Variants in ARHGAP17 observed in about 807,000 individuals in gnomAD.
The protein encoded by ARHGAP17 is Rho GTPase activating protein 17.
ARHGAP17 carries 57 observed loss-of-function variants against 99.5 expected under a neutral mutation model. The ratio of observed to expected loss-of-function variants is 0.57; its 90% CI spans 0.46 to 0.71. The LOEUF (loss-of-function observed/expected upper bound fraction) is 0.71, where lower values mean the gene tolerates loss of function less well. Ranked by LOEUF, ARHGAP17 falls within the 30% of genes least tolerant of loss-of-function variation. The probability of loss-of-function intolerance (pLI) is 0.00; values close to 1 mark genes in which losing one functional copy is unlikely to be tolerated. For synonymous variants in ARHGAP17, 417 were observed against 429.6 expected (o/e 0.97, Z 0.36); for missense variants, 1,000 against 1,122.4 (o/e 0.89, Z 1.56).
chr16:24,930,980 C>A lies in ARHGAP17; in HGVS notation c.2319G>T (p.Leu773=), dbSNP rs754251618. The A allele has an allele frequency of 6.2e-7, 1 of 1,613,428 alleles. No homozygotes were observed. Among genetic ancestry groups the A allele is most frequent in the Admixed American group, 1.7e-5 (1 of 59,948 alleles). The change falls in exon 19 of 20, where the codon CTG becomes CTT. Residue 773 remains leucine (L), a synonymous_variant. Transcript: ENST00000289968. The stretch of plus-strand genomic sequence containing the variant: ...CCCCTGCCAGGGTCTGAGGAGCTGG[C>A]AGACTGGGGTTCTGTTTTCCTAGGG... ...TPPLGKQNPS[L]PAPQTLAGGN... is the part of the protein sequence containing the mutation.
chr16:24,947,688 G>T, intron 13 of ARHGAP17, 93 bp from the exon 14 acceptor site: 3 of 998,922 alleles, frequency 3.0e-6, no homozygotes, highest in Non-Finnish European at 3.1e-6. Context: ...AGTTTGCTCA[G>T]GTGCTAACTG....
At chr16:24,941,708 T>A in intron 16 of ARHGAP17, 1 of 419,700 alleles carries the variant, frequency 2.4e-6, no homozygotes, top group Non-Finnish European at 4.4e-6. Context: ...ACTTTTAACA[T>A]GTGTATGATG....
At chr16:25,006,323 G>A (rs191501323) in intron 1 of ARHGAP17, among the ~76,000 whole-genome samples, 2 of 151,556 alleles carry the variant, frequency 1.3e-5, no homozygotes, top group Non-Finnish European at 2.9e-5. Context: ...GGTGGTGTGC[G>A]CCTGTAGTCC....
At chr16:24,970,737 T>C (rs1343565495) in intron 3 of ARHGAP17, among the ~76,000 whole-genome samples, 157 bp from the exon 4 acceptor site, 2 of 152,220 alleles carry the variant, frequency 1.3e-5, no homozygotes, top group South Asian at 2.1e-4. Context: ...CAGATATTAG[T>C]TGTATGATGA....
At chr16:24,986,395 A>C (rs1372954185) in intron 1 of ARHGAP17, among the ~76,000 whole-genome samples, 1 of 152,234 alleles carries the variant, frequency 6.6e-6, no homozygotes, top group African/African-American at 2.4e-5. Context: ...AGGGGTCAGC[A>C]AACTATACCC....
intron 19 of ARHGAP17, among the ~76,000 whole-genome samples, chr16:24,923,406 C>A (rs1395488225): frequency 6.6e-6 from 1 of 152,104 alleles, no homozygotes; most frequent in East Asian, 1.9e-4. Flanking sequence ...TAACTGCACT[C>A]CAAGAAGGGC....
intron 2 of ARHGAP17, among the ~76,000 whole-genome samples, chr16:24,977,788 A>C (rs1019090921): frequency 1.1e-4 from 17 of 152,314 alleles, no homozygotes; most frequent in Non-Finnish European, 2.2e-4. Context: ...GGACCCACGC[A>C]TCATAAGCAG....
chr16:24,920,609 C>G (rs1416894677), intron 19 of ARHGAP17: 1 of 214,368 alleles, frequency 4.7e-6, no homozygotes, highest in African/African-American at 2.3e-5. Flanking sequence ...CTGATGGCCC[C>G]TGGGCTGCCC....
At chr16:24,982,056 A>ATG (rs1340696233) in intron 1 of ARHGAP17, among the ~76,000 whole-genome samples, 2 of 151,890 alleles carry the variant, frequency 1.3e-5, no homozygotes, top group Non-Finnish European at 2.9e-5. Flanking sequence ...CTATATATAT[A>ATG]TTACATTAAT....
intron 14 of ARHGAP17, among the ~76,000 whole-genome samples, chr16:24,946,826 G>A (rs989015448): frequency 1.3e-5 from 2 of 152,172 alleles, no homozygotes; most frequent in Admixed American, 6.5e-5. Flanking sequence ...GTCTGGTCAC[G>A]TTTTCACAAT....
At position 24,934,729 on chromosome 16, in the gene ARHGAP17, T is replaced by C. The variant is rs139241434; in HGVS notation, c.1894+741A>G. Among the ~76,000 whole-genome samples the C allele has an allele frequency of 3.6e-3, 543 of 152,294 alleles. 3 individuals carry two copies. Among genetic ancestry groups the C allele is most frequent in the South Asian group, 1.0e-2 (48 of 4,816 alleles). ...GCCTCAGCCTCCCAAAGTGCTGGGATTATAGGTGTGAGCCACCACGCCCAG... is the reference window on the plus strand; with the variant it reads ...GCCTCAGCCTCCCAAAGTGCTGGGACTATAGGTGTGAGCCACCACGCCCAG... On this transcript the variant is annotated intron_variant, in intron 18 of 19. Transcript: ENST00000289968.
At chr16:24,989,520 T>C (rs1309052409) in intron 1 of ARHGAP17, among the ~76,000 whole-genome samples, 4 of 151,634 alleles carry the variant, frequency 2.6e-5, no homozygotes, top group African/African-American at 9.7e-5. Context: ...ATACAGGTGA[T>C]GCCACTTATA....
At chr16:24,939,633 G>A (rs371175593) in intron 16 of ARHGAP17, 36 bp from the exon 17 acceptor site, 23 of 1,558,692 alleles carry the variant, frequency 1.5e-5, no homozygotes, top group African/African-American at 1.4e-4. Flanking sequence ...CACACCATGC[G>A]AGCAGACTAC....
intron 10 of ARHGAP17, among the ~76,000 whole-genome samples, chr16:24,954,199 G>A (rs1365453864): frequency 6.6e-6 from 1 of 152,092 alleles, no homozygotes; most frequent in Non-Finnish European, 1.5e-5. Flanking sequence ...GTATGTAAAT[G>A]ACCTCCAACC....
At chr16:24,939,302 C>T (rs1468658373) in intron 17 of ARHGAP17, 62 bp downstream of exon 17, 1 of 1,462,332 alleles carries the variant, frequency 6.8e-7, no homozygotes, top group East Asian at 2.3e-5. Flanking sequence ...GCTCAAAGGC[C>T]ACCACCTGCA....
rs760135610 is a variant in ARHGAP17 at position 24,920,230 on chromosome 16, C to T, written c.2546G>A (p.Arg849His). 79 of 1,613,880 alleles carry T rather than the reference C, an allele frequency of 4.9e-5. No individual in the cohort carries two copies. The highest frequency in any genetic ancestry group is 1.6e-4 in the Middle Eastern group (1 of 6,084). The change falls in exon 20 of 20, where the codon CGC (arginine) becomes CAC (histidine). Residue 849 changes from arginine to histidine, a missense_variant. Around this residue, in one of 2 missense-constraint regions of ARHGAP17, gnomAD observed 528 missense variants for 511.4 expected, o/e 1.03. Coordinates refer to ENST00000289968, the MANE Select transcript of ARHGAP17 (RefSeq NM_001006634.3). ...TGAGTGCATTTCAGGAAAGATGCTG[C>T]GATGCGGTTCTGAAACCCTGGAATT... is the stretch of plus-strand genomic sequence containing the variant. ...DSNSRVSEPH[R>H]SIFPEMHSDS...
chr16:24,964,947 A>C (rs1400511064), intron 6 of ARHGAP17, among the ~76,000 whole-genome samples: 1 of 152,104 alleles, frequency 6.6e-6, no homozygotes, highest in Admixed American at 6.5e-5. Flanking sequence ...ATGTCTACAA[A>C]CAACAATAAC....
intron 11 of ARHGAP17, 126 bp from the exon 12 acceptor site, chr16:24,952,496 G>T: frequency 1.6e-6 from 1 of 622,704 alleles, no homozygotes; most frequent in Non-Finnish European, 2.6e-6. Flanking sequence ...CAAATCATAA[G>T]TTGGCAAGAG....
intron 11 of ARHGAP17, among the ~76,000 whole-genome samples, chr16:24,952,619 T>C (rs1793204113): frequency 6.6e-6 from 1 of 152,140 alleles, no homozygotes; most frequent in African/African-American, 2.4e-5. Flanking sequence ...ACAGACATAA[T>C]TTCTCCAGGT....
Sources: allele counts gnomAD v4.1 joint callset (sites outside exome capture counted in the v4.1 genomes callset), GRCh38; gene constraint gnomAD v4.1.1; regional missense constraint gnomAD v4.1.1; transcripts MANE v1.5; gene names NCBI Gene and HGNC (gene_info 2026-07-23, HGNC 2026-07-21).